GALNT13: variants seen among roughly 807,000 people sequenced by gnomAD.
GALNT13 encodes polypeptide N-acetylgalactosaminyltransferase 13.
A neutral mutation model predicts 64.2 loss-of-function variants in GALNT13; 28 were observed. The observed-to-expected ratio is 0.44, with a 90% confidence interval of 0.32 to 0.60. GALNT13 has a LOEUF of 0.60. GALNT13 is among the 20% of genes least tolerant of loss of function. The pLI is 0.05. For missense variants in GALNT13, 577 were observed against 669.8 expected (o/e 0.86, Z 1.53); for synonymous variants, 214 against 224.6 (o/e 0.95, Z 0.42).
the GALNT13 span, among the ~76,000 whole-genome samples, chr2:153,116,589 T>C: frequency 2.0e-4 from 30 of 152,246 alleles, no homozygotes; most frequent in African/African-American, 7.2e-4. Flanking sequence ...GCAAATGATA[T>C]TTAGAGCATA....
chr2:154,233,348 C>T (rs1469558540), intron 4 of GALNT13, among the ~76,000 whole-genome samples: 1 of 152,076 alleles, frequency 6.6e-6, no homozygotes, highest in Non-Finnish European at 1.5e-5. Flanking sequence ...TAACGAAGTT[C>T]TGGAGGTTAA....
the GALNT13 span, among the ~76,000 whole-genome samples, chr2:153,754,358 A>G: frequency 6.6e-6 from 1 of 151,980 alleles, no homozygotes; most frequent in African/African-American, 2.4e-5. Flanking sequence ...ACCTGGGTAT[A>G]TTGTTGGTTA....
chr2:154,027,935 A>T (rs531794720), intron 3 of GALNT13, among the ~76,000 whole-genome samples: 1 of 152,296 alleles, frequency 6.6e-6, no homozygotes, highest in South Asian at 2.1e-4. Flanking sequence ...GAATATTTTT[A>T]AATAAAGTGA....
At chr2:153,953,434 CATTATT>C (rs933155703) in intron 3 of GALNT13, among the ~76,000 whole-genome samples, 3 of 151,594 alleles carry the variant, frequency 2.0e-5, no homozygotes. Flanking sequence ...GTAAAGTTGG[CATTATT>C]ATTATTATTA....
At chr2:153,087,410 A>G in the GALNT13 span, among the ~76,000 whole-genome samples, 9 of 152,094 alleles carry the variant, frequency 5.9e-5, no homozygotes, top group African/African-American at 1.9e-4. Context: ...CTTTGCATCT[A>G]TGTTCATCAG....
At chr2:153,698,316 C>T in the GALNT13 span, among the ~76,000 whole-genome samples, 1 of 152,058 alleles carries the variant, frequency 6.6e-6, no homozygotes, top group Non-Finnish European at 1.5e-5. Context: ...GATAAAGACT[C>T]AAGACCCATC....
chr2:153,966,219 C>CTTTTTTTTT (rs761961683), intron 3 of GALNT13, among the ~76,000 whole-genome samples: 12 of 120,088 alleles, frequency 1.0e-4, no homozygotes, highest in East Asian at 7.4e-4. Context: ...GGTTGGATTT[C>CTTTTTTTTT]TTTTTTTTTT....
chr2:154,180,416 A>C (rs959420583), intron 4 of GALNT13, among the ~76,000 whole-genome samples: 23 of 151,920 alleles, frequency 1.5e-4, no homozygotes, highest in African/African-American at 5.6e-4. Context: ...GCAGTTAAAC[A>C]AACCACTTAT....
In GALNT13 at chr2:154,153,555, A is replaced by G. The variant is rs571662812; in HGVS notation, c.311+13050A>G. 2.1e-3 allele frequency among the ~76,000 whole-genome samples: 327 copies of G among 152,326 alleles called. 2 individuals are homozygous for G. Among genetic ancestry groups the G allele is most frequent in the African/African-American group, 7.5e-3 (311 of 41,582 alleles). On this transcript the variant is annotated intron_variant, in intron 4 of 12. Coordinates refer to ENST00000392825, the MANE Select transcript of GALNT13 (RefSeq NM_052917.4). ...AGAGGTGGAGCCTACAGAGGCAGGC[A>G]GGCCTCCTTGAGCTGTGGTGGGCTC... is the stretch of plus-strand genomic sequence containing the variant.
chr2:153,747,448 T>TC, the GALNT13 span, among the ~76,000 whole-genome samples: 3 of 136,558 alleles, frequency 2.2e-5, no homozygotes, highest in Non-Finnish European at 4.7e-5. Context: ...TTTTTTTTTT[T>TC]AGATAGATTC....
At chr2:153,684,229 A>G in the GALNT13 span, among the ~76,000 whole-genome samples, 71,957 of 151,324 alleles carry the variant, frequency 0.48, 17,527 homozygotes, top group Admixed American at 0.53. Context: ...TGTTATGACA[A>G]TTGTTGGTAT....
intron 4 of GALNT13, among the ~76,000 whole-genome samples, chr2:154,155,018 A>C: frequency 6.6e-6 from 1 of 151,858 alleles, no homozygotes; most frequent in East Asian, 1.9e-4. Context: ...TTTAATATGG[A>C]TAGTAGAATT....
At chr2:153,431,589 A>T in the GALNT13 span, among the ~76,000 whole-genome samples, 1 of 152,194 alleles carries the variant, frequency 6.6e-6, no homozygotes, top group Non-Finnish European at 1.5e-5. Context: ...AGTGCTGCTC[A>T]ACCTCCTGCT....
At chr2:153,302,357 A>G in the GALNT13 span, among the ~76,000 whole-genome samples, 4 of 151,902 alleles carry the variant, frequency 2.6e-5, no homozygotes, top group African/African-American at 9.7e-5. Context: ...TCTTCTTTTG[A>G]GATATGTGTA....
chr2:154,373,841 T>A (rs1412597643), intron 9 of GALNT13, among the ~76,000 whole-genome samples: 2 of 152,120 alleles, frequency 1.3e-5, no homozygotes, highest in African/African-American at 4.8e-5. Flanking sequence ...TCTTACAGAG[T>A]GTGAACAATA....
intron 9 of GALNT13, among the ~76,000 whole-genome samples, chr2:154,321,476 G>GA (rs1269776462): frequency 1.3e-5 from 2 of 151,706 alleles, no homozygotes; most frequent in South Asian, 2.1e-4. Context: ...GACTTTAACA[G>GA]AAAAAAAATT....
chr2:153,349,053 G>T, the GALNT13 span, among the ~76,000 whole-genome samples: 2 of 152,144 alleles, frequency 1.3e-5, no homozygotes, highest in Non-Finnish European at 1.5e-5. Flanking sequence ...GCTTAACTAT[G>T]ATAAGTACAT....
the GALNT13 span, among the ~76,000 whole-genome samples, chr2:153,766,545 A>G: frequency 2.0e-5 from 3 of 151,986 alleles, no homozygotes; most frequent in Non-Finnish European, 4.4e-5. Context: ...GACTTCCTTC[A>G]TTCTTATTAT....
chr2:154,394,077 C>CAAA (rs369267777), intron 9 of GALNT13, among the ~76,000 whole-genome samples: 3,609 of 31,914 alleles, frequency 0.11, 1,156 homozygotes, highest in African/African-American at 0.17. Context: ...GACTCCGTCT[C>CAAA]AAAAAAAAAA....
Sources: gnomAD v4.1 joint callset for allele counts (sites outside exome capture counted in the v4.1 genomes callset) on GRCh38, gnomAD v4.1.1 for gene constraint, MANE v1.5 for transcripts, NCBI Gene and HGNC (gene_info 2026-07-23, HGNC 2026-07-21) for gene names.